MTRF1: variants seen among roughly 807,000 people sequenced by gnomAD.
MTRF1 encodes the protein peptide chain release factor 1, mitochondrial.
In MTRF1, 51 loss-of-function variants were observed where a neutral mutation model predicts 62.9. That is an observed-to-expected ratio of 0.81 (90% CI 0.65 to 1.02). MTRF1 has a LOEUF of 1.02. Ranked by LOEUF, MTRF1 falls within the 50% of genes least tolerant of loss-of-function variation. MTRF1 has a pLI of 0.00. For synonymous variants in MTRF1, 158 were observed against 181.9 expected (o/e 0.87, Z 1.06); for missense variants, 446 against 530.0 (o/e 0.84, Z 1.56).
At chr13:41,273,817 A>G in the MTRF1 span, among the ~76,000 whole-genome samples, 1 of 152,194 alleles carries the variant, frequency 6.6e-6, no homozygotes, top group Non-Finnish European at 1.5e-5. Context: ...AGCCTGGGCA[A>G]TAAGAGTGAA....
chr13:41,236,173 G>A (rs1276992941), intron 6 of MTRF1: 1 of 152,012 alleles, frequency 6.6e-6, no homozygotes, highest in Non-Finnish European at 1.5e-5. Flanking sequence ...GAGTGCAGTG[G>A]CGTGACCTCA....
chr13:41,278,123 T>C, the MTRF1 span, among the ~76,000 whole-genome samples: 1 of 152,258 alleles, frequency 6.6e-6, no homozygotes, highest in East Asian at 1.9e-4. Context: ...TTCCATTCCA[T>C]CTTGTCAGGT....
At chr13:41,294,673 A>C in the MTRF1 span, among the ~76,000 whole-genome samples, 5 of 152,182 alleles carry the variant, frequency 3.3e-5, no homozygotes, top group Admixed American at 3.3e-4. Context: ...TTGTGTCCTA[A>C]GGTAAAATTT....
intron 9 of MTRF1, among the ~76,000 whole-genome samples, chr13:41,217,690 G>A (rs1312639683): frequency 6.6e-6 from 1 of 152,030 alleles, no homozygotes; most frequent in Non-Finnish European, 1.5e-5. Context: ...TTATTTCCCA[G>A]AGGAAAAAGA....
the MTRF1 span, chr13:41,287,762 C>T: frequency 1.0e-5 from 2 of 190,980 alleles, no homozygotes; most frequent in Non-Finnish European, 1.2e-5. Context: ...GGCATTTTCT[C>T]TTCCTCTTCT....
At chr13:41,251,470 A>T (rs1350042200) in intron 5 of MTRF1, among the ~76,000 whole-genome samples, 1 of 152,196 alleles carries the variant, frequency 6.6e-6, no homozygotes. Flanking sequence ...TACTTCCCTG[A>T]CAAGCTATGG....
At chr13:41,292,711 G>C in the MTRF1 span, among the ~76,000 whole-genome samples, 1 of 151,936 alleles carries the variant, frequency 6.6e-6, no homozygotes, top group Admixed American at 6.6e-5. Context: ...TTTGAGGCAG[G>C]GAGTTCAAGA....
chr13:41,271,921 C>T, the MTRF1 span, among the ~76,000 whole-genome samples: 6 of 152,288 alleles, frequency 3.9e-5, no homozygotes, highest in Admixed American at 3.9e-4. Flanking sequence ...TAGAAAGCAG[C>T]TCTGAACTAG....
chr13:41,249,048 C>G (rs2038666337), intron 5 of MTRF1, among the ~76,000 whole-genome samples: 1 of 152,078 alleles, frequency 6.6e-6, no homozygotes. Context: ...GTACATGAAA[C>G]TGTTTCTTTT....
chr13:41,288,301 A>G, the MTRF1 span: 4 of 294,106 alleles, frequency 1.4e-5, no homozygotes, highest in Non-Finnish European at 2.7e-5. Flanking sequence ...TCCAACCACC[A>G]CACACTTGAT....
chr13:41,277,738 G>A, the MTRF1 span, among the ~76,000 whole-genome samples: 3 of 152,118 alleles, frequency 2.0e-5, no homozygotes, highest in Non-Finnish European at 2.9e-5. Flanking sequence ...GACCAAATTA[G>A]CCTTCAGCCC....
At chr13:41,225,586 TA>T (rs2034259777) in intron 8 of MTRF1, among the ~76,000 whole-genome samples, 1 of 152,162 alleles carries the variant, frequency 6.6e-6, no homozygotes, top group South Asian at 2.1e-4. Context: ...ATGAAAAGTA[TA>T]ACTAATGCTT....
the MTRF1 span, among the ~76,000 whole-genome samples, chr13:41,279,934 A>G: frequency 3.3e-3 from 501 of 152,004 alleles, 2 homozygotes; most frequent in Middle Eastern, 0.01. Context: ...GGTCTCCACA[A>G]TCCTTTATTT....
chr13:41,231,661 G>T (rs2035579585), intron 7 of MTRF1, among the ~76,000 whole-genome samples: 1 of 152,140 alleles, frequency 6.6e-6, no homozygotes, highest in Admixed American at 6.6e-5. Context: ...TCACTAATGG[G>T]TATGTGGATA....
At chr13:41,224,136 G>A (rs988749742) in intron 8 of MTRF1, among the ~76,000 whole-genome samples, 7 of 151,950 alleles carry the variant, frequency 4.6e-5, no homozygotes, top group East Asian at 1.9e-4. Context: ...TGTGTGTGTC[G>A]GTTATCTCTG....
At chr13:41,241,133 C>T (rs915374977) in intron 5 of MTRF1, among the ~76,000 whole-genome samples, 1 of 152,158 alleles carries the variant, frequency 6.6e-6, no homozygotes, top group Non-Finnish European at 1.5e-5. Context: ...CAACCTCTGC[C>T]TCCTGGGTTC....
At chr13:41,291,545 C>T in the MTRF1 span, among the ~76,000 whole-genome samples, 1 of 152,204 alleles carries the variant, frequency 6.6e-6, no homozygotes, top group Middle Eastern at 3.4e-3. Context: ...CTGCTTCTCC[C>T]TATCCTTCTG....
chr13:41,307,301 T>C, the MTRF1 span, among the ~76,000 whole-genome samples: 1 of 152,136 alleles, frequency 6.6e-6, no homozygotes. Flanking sequence ...CTCATGATAG[T>C]GAGTGAGTTC....
At chr13:41,281,858 C>T in the MTRF1 span, among the ~76,000 whole-genome samples, 8 of 152,152 alleles carry the variant, frequency 5.3e-5, no homozygotes, top group South Asian at 2.1e-4. Context: ...CTGCCCAGGC[C>T]GGGCACGGTG....
Sources: allele counts gnomAD v4.1 joint callset (sites outside exome capture counted in the v4.1 genomes callset), GRCh38; gene constraint gnomAD v4.1.1; transcripts MANE v1.5; gene names NCBI Gene and HGNC (gene_info 2026-07-23, HGNC 2026-07-21).